TJP1: variants seen among roughly 807,000 people sequenced by gnomAD.
The protein encoded by TJP1 is tight junction protein ZO-1.
A neutral mutation model predicts 194.2 loss-of-function variants in TJP1; 43 were observed. That is an observed-to-expected ratio of 0.22 (90% CI 0.17 to 0.29). TJP1 has a LOEUF of 0.29. Ranked by LOEUF, TJP1 falls within the 10% of genes least tolerant of loss-of-function variation. The pLI is 1.00. For synonymous variants in TJP1, 801 were observed against 779.0 expected, an observed-to-expected ratio of 1.03 and a Z score of -0.47; for missense variants, 1,971 against 2,185.7, an observed-to-expected ratio of 0.90 and a Z score of 1.96.
chr15:29,818,633 T>TA (rs1471996114), intron 1 of TJP1, among the ~76,000 whole-genome samples: 1 of 151,300 alleles, frequency 6.6e-6, no homozygotes, highest in Non-Finnish European at 1.5e-5. Flanking sequence ...GCCTTCCCAT[T>TA]AGGGGGGATT....
At chr15:29,762,587 A>C in intron 5 of TJP1, 149 bp from the exon 6 acceptor site, 1 of 594,504 alleles carries the variant, frequency 1.7e-6, no homozygotes. Flanking sequence ...CCTGCAAATA[A>C]GACATTCCCT....
intron 2 of TJP1, among the ~76,000 whole-genome samples, chr15:29,795,046 A>T (rs1273663790): frequency 6.6e-6 from 1 of 152,234 alleles, no homozygotes; most frequent in Non-Finnish European, 1.5e-5. Flanking sequence ...AGAACCATCC[A>T]AAATTAAAAA....
chr15:29,732,604 TA>T, intron 14 of TJP1, 26 bp downstream of exon 14: 1 of 1,613,438 alleles, frequency 6.2e-7, no homozygotes, highest in African/African-American at 1.3e-5. Flanking sequence ...TAAAGGGTAT[TA>T]GGTTAGTCTG....
chr15:29,817,754 T>C (rs1023179565), intron 1 of TJP1, among the ~76,000 whole-genome samples: 37 of 152,250 alleles, frequency 2.4e-4, no homozygotes, highest in African/African-American at 8.4e-4. Flanking sequence ...AAACACCACA[T>C]GTTCTCACTC....
intron 2 of TJP1, among the ~76,000 whole-genome samples, chr15:29,792,133 C>T (rs964740546): frequency 1.3e-5 from 2 of 152,214 alleles, no homozygotes; most frequent in Non-Finnish European, 2.9e-5. Flanking sequence ...TGTGATCCCA[C>T]TGTCCATTTT....
At chr15:29,732,998 A>C (rs1365419053) in intron 13 of TJP1, 96 bp downstream of exon 13, 4 of 1,388,292 alleles carry the variant, frequency 2.9e-6, no homozygotes, top group Non-Finnish European at 4.0e-6. Flanking sequence ...ACAATGAAAA[A>C]GAATTCTTTA....
chr15:29,780,801 G>A (rs1219962657), intron 2 of TJP1, among the ~76,000 whole-genome samples: 1 of 152,030 alleles, frequency 6.6e-6, no homozygotes, highest in Non-Finnish European at 1.5e-5. Context: ...TTTTAGATAG[G>A]AATATAAGAC....
chr15:29,892,295 T>C (rs374262869), intron 2 of TJP1, among the ~76,000 whole-genome samples: 2 of 152,078 alleles, frequency 1.3e-5, no homozygotes, highest in Non-Finnish European at 2.9e-5. Context: ...CTAGGAGAGG[T>C]TGGTTCATGA....
intron 2 of TJP1, among the ~76,000 whole-genome samples, chr15:29,922,331 A>C (rs1191821563): frequency 6.6e-6 from 1 of 152,130 alleles, no homozygotes; most frequent in African/African-American, 2.4e-5. Context: ...GAAAATTTTT[A>C]ATCTGTTTTC....
intron 2 of TJP1, among the ~76,000 whole-genome samples, chr15:29,787,006 T>C (rs2047739973): frequency 6.6e-6 from 1 of 152,158 alleles, no homozygotes. Flanking sequence ...GTACAAACAA[T>C]AGCCTTCTAC....
At chr15:29,722,308 C>A (rs1290135501) in intron 18 of TJP1, among the ~76,000 whole-genome samples, 1 of 152,230 alleles carries the variant, frequency 6.6e-6, no homozygotes, top group African/African-American at 2.4e-5. Context: ...CCCGGCCCTG[C>A]TGCTCTGTGC....
chr15:29,827,055 T>C (rs2050698388), upstream of TJP1, among the ~76,000 whole-genome samples: 1 of 152,140 alleles, frequency 6.6e-6, no homozygotes, highest in Non-Finnish European at 1.5e-5. Flanking sequence ...AAGCAAGGTG[T>C]GGGGTTTAAG....
intron 8 of TJP1, among the ~76,000 whole-genome samples, chr15:29,744,539 A>G (rs1414717282): frequency 2.6e-5 from 4 of 152,214 alleles, no homozygotes; most frequent in Non-Finnish European, 5.9e-5. Flanking sequence ...AAGCCAATAA[A>G]TATATCTTGA....
chr15:29,814,230 GCT>G (rs1178203152), intron 1 of TJP1, among the ~76,000 whole-genome samples: 2 of 152,168 alleles, frequency 1.3e-5, no homozygotes, highest in African/African-American at 4.8e-5. Flanking sequence ...ACACAAGAAT[GCT>G]CTGTTATTAC....
chr15:29,919,943 A>G (rs1158582787), intron 2 of TJP1, among the ~76,000 whole-genome samples: 1 of 152,228 alleles, frequency 6.6e-6, no homozygotes, highest in Admixed American at 6.5e-5. Flanking sequence ...ATGGGACCCC[A>G]GAAGACAGAA....
At chr15:29,861,858 A>C (rs745318797) in intron 2 of TJP1, among the ~76,000 whole-genome samples, 1 of 152,112 alleles carries the variant, frequency 6.6e-6, no homozygotes, top group Non-Finnish European at 1.5e-5. Context: ...AGCTCATTGT[A>C]CCTATTTTTT....
At chr15:29,736,419 G>A (rs1214580252) in intron 11 of TJP1, among the ~76,000 whole-genome samples, 3 of 152,236 alleles carry the variant, frequency 2.0e-5, no homozygotes, top group Non-Finnish European at 2.9e-5. Flanking sequence ...ACACTGGCAA[G>A]AGGCAGGCTG....
intron 8 of TJP1, among the ~76,000 whole-genome samples, chr15:29,749,302 C>CG (rs1375597174): frequency 1.3e-5 from 2 of 152,148 alleles, no homozygotes; most frequent in East Asian, 3.9e-4. Context: ...GTCACATGAA[C>CG]GGACTCACTG....
At chr15:29,761,396 G>A in intron 7 of TJP1, 110 bp from the exon 8 acceptor site, 1 of 1,389,710 alleles carries the variant, frequency 7.2e-7, no homozygotes, top group Non-Finnish European at 9.7e-7. Flanking sequence ...TATATAAAAT[G>A]GAAGATTTAT....
Sources: allele counts gnomAD v4.1 joint callset (sites outside exome capture counted in the v4.1 genomes callset), GRCh38; gene constraint gnomAD v4.1.1; transcripts MANE v1.5; gene names NCBI Gene and HGNC (gene_info 2026-07-23, HGNC 2026-07-21).